RSRC1: variants seen among roughly 807,000 people sequenced by gnomAD.
RSRC1 encodes the protein arginine and serine rich coiled-coil 1, also known as serine/Arginine-related protein 53.
In RSRC1, 39 loss-of-function variants were observed where a neutral mutation model predicts 49.1. The observed-to-expected ratio is 0.79, with a 90% CI of 0.61 to 1.04. The LOEUF (loss-of-function observed/expected upper bound fraction) is 1.04, where lower values mean the gene tolerates loss of function less well. RSRC1 is among the 50% of genes least tolerant of loss of function. The pLI is 0.00. For synonymous variants in RSRC1, 143 were observed against 130.8 expected (o/e 1.09, Z -0.63); for missense variants, 388 against 402.4 (o/e 0.96, Z 0.31).
intron 4 of RSRC1, among the ~76,000 whole-genome samples, chr3:158,286,713 T>C (rs1559977352): frequency 6.6e-6 from 1 of 152,176 alleles, no homozygotes; most frequent in East Asian, 1.9e-4. Flanking sequence ...TTGAGTTAAA[T>C]AGGAGAACAG....
chr3:158,178,279 C>T (rs1719365087), intron 3 of RSRC1, among the ~76,000 whole-genome samples: 1 of 152,128 alleles, frequency 6.6e-6, no homozygotes, highest in Non-Finnish European at 1.5e-5. Context: ...GCTGGGACTA[C>T]AGGTGCATGC....
chr3:158,320,386 AT>A (rs1728693742), intron 5 of RSRC1, among the ~76,000 whole-genome samples: 1 of 152,210 alleles, frequency 6.6e-6, no homozygotes, highest in Admixed American at 6.5e-5. Flanking sequence ...GTTCTGTTAT[AT>A]GTAATATGTG....
chr3:158,381,202 TGA>T (rs1412426783), intron 6 of RSRC1, among the ~76,000 whole-genome samples: 1 of 152,186 alleles, frequency 6.6e-6, no homozygotes, highest in Admixed American at 6.5e-5. Flanking sequence ...CATTTGCATA[TGA>T]GAGAAAGGGA....
At chr3:158,281,821 G>A (rs1302339738) in intron 4 of RSRC1, among the ~76,000 whole-genome samples, 6 of 152,184 alleles carry the variant, frequency 3.9e-5, no homozygotes, top group African/African-American at 1.2e-4. Flanking sequence ...GTAGTGGGAG[G>A]TAGGAGAGGG....
chr3:158,110,804 A>G (rs1714337414), intron 1 of RSRC1, among the ~76,000 whole-genome samples: 1 of 152,178 alleles, frequency 6.6e-6, no homozygotes, highest in South Asian at 2.1e-4. Flanking sequence ...CACACTATAT[A>G]TTCCTTTGAC....
intron 3 of RSRC1, among the ~76,000 whole-genome samples, chr3:158,193,274 C>T (rs1194801516): frequency 6.6e-6 from 1 of 152,040 alleles, no homozygotes; most frequent in Non-Finnish European, 1.5e-5. Context: ...GTAACAGATA[C>T]ATTTAGTTTT....
chr3:158,425,629 G>T (rs557270059), intron 6 of RSRC1, among the ~76,000 whole-genome samples: 6 of 151,758 alleles, frequency 4.0e-5, no homozygotes, highest in Non-Finnish European at 8.8e-5. Flanking sequence ...TTCAATTCCT[G>T]GGTATCCTTG....
chr3:158,129,640 C>T (rs1715884076), intron 3 of RSRC1, among the ~76,000 whole-genome samples: 1 of 152,136 alleles, frequency 6.6e-6, no homozygotes, highest in African/African-American at 2.4e-5. Context: ...CTGTCGAAAA[C>T]CAGCTAACTA....
At chr3:158,413,726 A>G (rs1036564592) in intron 6 of RSRC1, among the ~76,000 whole-genome samples, 2 of 152,188 alleles carry the variant, frequency 1.3e-5, no homozygotes, top group East Asian at 3.8e-4. Context: ...GCCAAAAAAC[A>G]TGAAAAAAAC....
At chr3:158,536,043 G>A (rs1712692530) in intron 7 of RSRC1, among the ~76,000 whole-genome samples, 1 of 151,376 alleles carries the variant, frequency 6.6e-6, no homozygotes, top group Non-Finnish European at 1.5e-5. Flanking sequence ...AATTTGCTAA[G>A]TGAGAGATTA....
intron 7 of RSRC1, among the ~76,000 whole-genome samples, chr3:158,505,348 G>T (rs978709323): frequency 1.3e-5 from 2 of 152,124 alleles, no homozygotes; most frequent in Non-Finnish European, 2.9e-5. Context: ...TATAAGCAGG[G>T]CTCTAACTCT....
chr3:158,417,737 T>C (rs960937556), intron 6 of RSRC1, among the ~76,000 whole-genome samples: 3 of 151,146 alleles, frequency 2.0e-5, no homozygotes, highest in African/African-American at 7.3e-5. Context: ...TACAGATTTA[T>C]TAATCAGTTC....
Position 158,192,983 on chromosome 3 carries a change from T to C in RSRC1, c.321-10089T>C, listed in dbSNP as rs553620067. On this transcript the variant is annotated intron_variant, in intron 3 of 9. Transcript: ENST00000611884. Reference sequence around the variant, plus strand: ...TTAGCTATGGTATGAGGGAAACATATTTCATATGCTTCTGATTCAGATTTT... The same window carrying C: ...TTAGCTATGGTATGAGGGAAACATACTTCATATGCTTCTGATTCAGATTTT... Among the ~76,000 whole-genome samples, 176 of 152,210 alleles carry C rather than the reference T, an allele frequency of 1.2e-3. 1 individual carries two copies. The highest frequency in any genetic ancestry group is 4.1e-3 in the African/African-American group (171 of 41,564).
chr3:158,139,143 G>C (rs768205739), intron 3 of RSRC1, among the ~76,000 whole-genome samples: 7 of 152,156 alleles, frequency 4.6e-5, no homozygotes, highest in Non-Finnish European at 8.8e-5. Context: ...GCTCACACCT[G>C]TAATCCCAGC....
chr3:158,119,739 TATACC>T (rs1715121805), intron 1 of RSRC1, among the ~76,000 whole-genome samples: 1 of 151,860 alleles, frequency 6.6e-6, no homozygotes, highest in African/African-American at 2.4e-5. Context: ...TATGTACAGA[TATACC>T]TTATATACAT....
At chr3:158,218,602 G>A (rs886116974) in intron 4 of RSRC1, among the ~76,000 whole-genome samples, 1 of 151,636 alleles carries the variant, frequency 6.6e-6, no homozygotes, top group African/African-American at 2.4e-5. Flanking sequence ...AATGAAAGTA[G>A]TCAGGAGGAT....
intron 7 of RSRC1, among the ~76,000 whole-genome samples, chr3:158,480,850 C>G (rs1738580819): frequency 6.6e-6 from 1 of 151,960 alleles, no homozygotes; most frequent in African/African-American, 2.4e-5. Flanking sequence ...AAGTACTATC[C>G]AGAATATTCA....
intron 3 of RSRC1, among the ~76,000 whole-genome samples, chr3:158,171,689 TC>T (rs1718891213): frequency 1.3e-5 from 2 of 151,948 alleles, no homozygotes; most frequent in Middle Eastern, 3.2e-3. Context: ...GTGGCTCACA[TC>T]TGTAATCCTA....
At chr3:158,416,271 C>T (rs1459365284) in intron 6 of RSRC1, among the ~76,000 whole-genome samples, 1 of 151,900 alleles carries the variant, frequency 6.6e-6, no homozygotes, top group African/African-American at 2.4e-5. Flanking sequence ...ACTATGTCCC[C>T]AAAATTCTTT....
Sources: gnomAD v4.1 joint callset for allele counts (sites outside exome capture counted in the v4.1 genomes callset) on GRCh38, gnomAD v4.1.1 for gene constraint, MANE v1.5 for transcripts, NCBI Gene and HGNC (gene_info 2026-07-23, HGNC 2026-07-21) for gene names.